UBE2N: variants seen among roughly 807,000 people sequenced by gnomAD.
UBE2N encodes ubiquitin conjugating enzyme E2 N, also known as ubiquitin-conjugating enzyme E2 N.
For synonymous variants in UBE2N, 70 were observed against 69.2 expected, an observed-to-expected ratio of 1.01 and a Z score of -0.06; for missense variants, 60 against 192.1, an observed-to-expected ratio of 0.31 and a Z score of 4.07.
At chr12:93,428,065 T>C (rs1156671345) in intron 1 of UBE2N, among the ~76,000 whole-genome samples, 2 of 152,098 alleles carry the variant, frequency 1.3e-5, no homozygotes, top group Non-Finnish European at 2.9e-5. Context: ...ACTACAGACA[T>C]GTGCCACCAC....
chr12:93,440,918 A>C (rs1879081101), intron 1 of UBE2N, among the ~76,000 whole-genome samples: 1 of 150,658 alleles, frequency 6.6e-6, no homozygotes, highest in Non-Finnish European at 1.5e-5. Context: ...CACAAAATTG[A>C]GGGGCAAAAG....
chr12:93,432,831 G>A (rs1432495187), intron 1 of UBE2N, among the ~76,000 whole-genome samples: 1 of 151,716 alleles, frequency 6.6e-6, no homozygotes, highest in Non-Finnish European at 1.5e-5. Context: ...TTAAATTACA[G>A]TAGAATCCTA....
At chr12:93,433,715 A>G (rs1878837425) in intron 1 of UBE2N, among the ~76,000 whole-genome samples, 1 of 152,246 alleles carries the variant, frequency 6.6e-6, no homozygotes, top group Non-Finnish European at 1.5e-5. Context: ...TAATGTCAAA[A>G]GCCCCTGCTG....
chr12:93,426,390 CAAAA>C (rs57644203), intron 1 of UBE2N, among the ~76,000 whole-genome samples: 8 of 101,234 alleles, frequency 7.9e-5, no homozygotes, highest in Admixed American at 1.0e-4. Flanking sequence ...AAACTGCATC[CAAAA>C]AAAAAAAAAA....
chr12:93,434,242 A>T (rs1041565297), intron 1 of UBE2N, among the ~76,000 whole-genome samples: 2 of 152,252 alleles, frequency 1.3e-5, no homozygotes, highest in Non-Finnish European at 2.9e-5. Flanking sequence ...CAGTTAGCCG[A>T]GTTCGTGCCA....
chr12:93,426,980 C>G (rs1182843714), intron 1 of UBE2N, among the ~76,000 whole-genome samples: 1 of 151,748 alleles, frequency 6.6e-6, no homozygotes, highest in African/African-American at 2.4e-5. Flanking sequence ...AGTGCAGTGG[C>G]ACGATCTCGG....
rs532442959 is a variant in UBE2N, at chr12:93,435,431, C to T, written c.30+6424G>A. On this transcript the variant is annotated intron_variant, in intron 1 of 3. Transcript: ENST00000318066. ...GAGGTTGCAGTTAGCCGAGATCACG[C>T]CATTGCACTCCAGCCTGGGCAACAA... 5.9e-5 allele frequency among the ~76,000 whole-genome samples: 9 copies of T among 152,186 alleles called. No individual in the cohort carries two copies. In the East Asian group the frequency reaches 1.4e-3, roughly 23 times the overall value.
chr12:93,440,543 A>T (rs1879067457), intron 1 of UBE2N, among the ~76,000 whole-genome samples: 1 of 152,246 alleles, frequency 6.6e-6, no homozygotes, highest in South Asian at 2.1e-4. Flanking sequence ...TGGATGAAGC[A>T]GTATACAGTA....
chr12:93,412,229 TTTCTC>T (rs1219045049), intron 1 of UBE2N, among the ~76,000 whole-genome samples: 8 of 152,346 alleles, frequency 5.3e-5, no homozygotes, highest in African/African-American at 1.9e-4. Context: ...ATTATTATTA[TTTCTC>T]TTCTCTCTTC....
chr12:93,435,902 T>C (rs1012578977), intron 1 of UBE2N, among the ~76,000 whole-genome samples: 4 of 148,688 alleles, frequency 2.7e-5, no homozygotes, highest in African/African-American at 7.3e-5. Flanking sequence ...AAAAAATTAA[T>C]TAAATGTATT....
intron 1 of UBE2N, among the ~76,000 whole-genome samples, chr12:93,425,531 T>C (rs756714920): frequency 3.3e-5 from 5 of 152,204 alleles, no homozygotes; most frequent in Non-Finnish European, 7.4e-5. Flanking sequence ...AGACCCAATG[T>C]TGGACACCAG....
At chr12:93,440,247 C>T (rs1879060378) in intron 1 of UBE2N, among the ~76,000 whole-genome samples, 1 of 152,168 alleles carries the variant, frequency 6.6e-6, no homozygotes, top group African/African-American at 2.4e-5. Flanking sequence ...CCTCAATAAA[C>T]ATGACCTTTG....
chr12:93,411,116 T>C lies in UBE2N; in HGVS notation c.214A>G (p.Met72Val). The C allele has an allele frequency of 6.2e-7, 1 of 1,614,254 alleles. No individual in the cohort carries two copies. Among genetic ancestry groups the C allele is most frequent in the East Asian group, 2.2e-5 (1 of 44,890 alleles). Residue 72 changes from methionine (M) to valine (V), a missense_variant, in exon 2 of 4, where the codon ATG (methionine) becomes GTG (valine). Met to Val is a conservative substitution (Grantham distance 21). Transcript: ENST00000318066. ...YPMAAPKVRFMTKIYHPNVDK... is the reference protein window; with the variant it reads ...YPMAAPKVRFVTKIYHPNVDK... ...ACATTAGGATGATAAATTTTGGTCA[T>C]GAAACGTACTTTAGGGGCTGCCATT...
At chr12:93,416,585 A>G (rs916311828) in intron 1 of UBE2N, among the ~76,000 whole-genome samples, 3 of 152,064 alleles carry the variant, frequency 2.0e-5, no homozygotes, top group Non-Finnish European at 2.9e-5. Context: ...TTTAGCAGAG[A>G]CAGGGTTTCA....
chr12:93,421,709 A>G (rs1878418205), intron 1 of UBE2N, among the ~76,000 whole-genome samples: 3 of 152,206 alleles, frequency 2.0e-5, no homozygotes, highest in African/African-American at 7.2e-5. Context: ...AACTGATTTG[A>G]TTGAAAAATT....
At chr12:93,435,191 G>A (rs182982704) in intron 1 of UBE2N, among the ~76,000 whole-genome samples, 1 of 152,150 alleles carries the variant, frequency 6.6e-6, no homozygotes, top group East Asian at 1.9e-4. Context: ...ACAACAGATA[G>A]GACAGGCGCG....
chr12:93,410,405 C>A (rs769942108), intron 3 of UBE2N: 8 of 500,598 alleles, frequency 1.6e-5, no homozygotes, highest in Non-Finnish European at 2.8e-5. Context: ...CCATAAACAG[C>A]TGAATACTTT....
rs1294670259 is a variant in UBE2N, at chr12:93,406,639, A to G, written c.*3400T>C. On this transcript the variant is annotated 3_prime_UTR_variant, in exon 4 of 4. Coordinates refer to ENST00000318066, the MANE Select transcript of UBE2N (RefSeq NM_003348.4). ...AACATTGTGTCTGTAGTCAACATGT[A>G]TATTTTTGTCATTATTCCTTAAACA... 2 of 152,246 alleles carry G rather than the reference A, an allele frequency of 1.3e-5. No homozygotes were observed. Among genetic ancestry groups the G allele is most frequent in the Non-Finnish European group, 2.9e-5 (2 of 68,038 alleles). The allele number at this position is 152,246 out of a possible 1,614,324, so 9.4% of individuals were successfully genotyped here.
intron 1 of UBE2N, among the ~76,000 whole-genome samples, chr12:93,437,821 T>C (rs1878978849): frequency 1.3e-5 from 2 of 152,148 alleles, no homozygotes; most frequent in African/African-American, 4.8e-5. Context: ...AACAGTGGTT[T>C]TCTAAGCAGG....
Sources: gnomAD v4.1 joint callset for allele counts (sites outside exome capture counted in the v4.1 genomes callset) on GRCh38, gnomAD v4.1.1 for gene constraint, MANE v1.5 for transcripts, NCBI Gene and HGNC (gene_info 2026-07-23, HGNC 2026-07-21) for gene names.